GRIA2: variants seen among roughly 807,000 people sequenced by gnomAD.
The protein encoded by GRIA2 is glutamate receptor 2.
Under a neutral mutation model 97.3 loss-of-function variants are expected in GRIA2, and 14 were observed. The observed-to-expected ratio is 0.14, with a 90% confidence interval of 0.10 to 0.23. The LOEUF (loss-of-function observed/expected upper bound fraction) is 0.23, where lower values mean the gene tolerates loss of function less well. GRIA2 is among the 10% of genes least tolerant of loss of function. GRIA2 has a pLI of 1.00. For missense variants in GRIA2, 558 were observed against 1,069.8 expected (o/e 0.52, Z 6.67); for synonymous variants, 412 against 387.8 (o/e 1.06, Z -0.73).
intron 2 of GRIA2, among the ~76,000 whole-genome samples, chr4:157,260,683 C>A (rs1281476253): frequency 6.6e-6 from 1 of 151,994 alleles, no homozygotes; most frequent in East Asian, 1.9e-4. Flanking sequence ...TGCCCAGTTT[C>A]AATTGCTATC....
intron 12 of GRIA2, among the ~76,000 whole-genome samples, chr4:157,359,312 A>C (rs1736532664): frequency 6.6e-6 from 1 of 152,196 alleles, no homozygotes; most frequent in Non-Finnish European, 1.5e-5. Flanking sequence ...CAAAGAAAAA[A>C]GTCCTGTTTA....
At chr4:157,248,634 T>C (rs1446622005) in intron 2 of GRIA2, among the ~76,000 whole-genome samples, 1 of 143,500 alleles carries the variant, frequency 7.0e-6, no homozygotes, top group African/African-American at 2.6e-5. Flanking sequence ...CGTATATATA[T>C]ACACCTGTAT....
At chr4:157,348,034 T>A (rs1328211421) in intron 12 of GRIA2, among the ~76,000 whole-genome samples, 1 of 151,814 alleles carries the variant, frequency 6.6e-6, no homozygotes, top group Non-Finnish European at 1.5e-5. Context: ...GACAATAGCT[T>A]GAACCTGGGA....
At chr4:157,246,813 C>T (rs547637534) in intron 2 of GRIA2, among the ~76,000 whole-genome samples, 1 of 151,938 alleles carries the variant, frequency 6.6e-6, no homozygotes, top group East Asian at 1.9e-4. Flanking sequence ...TTTTGGTTTT[C>T]GATCTTCACA....
chr4:157,273,937 A>G (rs140880061), intron 2 of GRIA2, among the ~76,000 whole-genome samples: 74 of 152,232 alleles, frequency 4.9e-4, no homozygotes, highest in African/African-American at 1.7e-3. Context: ...ACTGCAGATA[A>G]TCAGAGATAA....
At chr4:157,314,932 C>T (rs1025168200) in intron 4 of GRIA2, among the ~76,000 whole-genome samples, 2 of 152,074 alleles carry the variant, frequency 1.3e-5, no homozygotes, top group African/African-American at 4.8e-5. Context: ...GAACTCATTG[C>T]TTAGAGATAA....
At chr4:157,286,456 A>T (rs1033915924) in intron 2 of GRIA2, among the ~76,000 whole-genome samples, 4 of 151,466 alleles carry the variant, frequency 2.6e-5, no homozygotes, top group Non-Finnish European at 5.9e-5. Context: ...TGGAGAGTTA[A>T]AAAAGTTAAA....
intron 2 of GRIA2, among the ~76,000 whole-genome samples, chr4:157,295,869 CACTT>C (rs1343963461): frequency 4.6e-5 from 7 of 152,130 alleles, no homozygotes. Context: ...GAATAAATGT[CACTT>C]ACGACAAACT....
At position 157,365,143 on chromosome 4, in the gene GRIA2, T is replaced by G. The variant is rs953285791; in HGVS notation, c.*1712T>G. On this transcript the variant is annotated 3_prime_UTR_variant, in exon 16 of 16. Coordinates refer to ENST00000264426, the MANE Select transcript of GRIA2 (RefSeq NM_001083619.3). ...TTAAAACATTCTTACTTACCGTATT[T>G]CATAGAAGGGAAGGAAAAATGTAAG... is the stretch of plus-strand genomic sequence containing the variant. The G allele has an allele frequency of 2.6e-5, 4 of 151,732 alleles. No homozygotes were observed. Among genetic ancestry groups the G allele is most frequent in the Non-Finnish European group, 4.4e-5 (3 of 67,740 alleles). 9.4% of individuals were successfully genotyped at this position (151,732 alleles called of 1,614,324 possible). A position where few individuals can be genotyped will look rare whatever the true frequency, so the allele number is the denominator to read the frequency against.
At chr4:157,351,950 GT>G (rs1224920890) in intron 12 of GRIA2, among the ~76,000 whole-genome samples, 1 of 152,148 alleles carries the variant, frequency 6.6e-6, no homozygotes, top group Non-Finnish European at 1.5e-5. Context: ...CCAGTTCTTT[GT>G]AACAGTATGA....
chr4:157,221,617 C>T (rs755705423), intron 1 of GRIA2, 50 bp from the exon 2 acceptor site: 5 of 1,588,670 alleles, frequency 3.1e-6, no homozygotes, highest in Non-Finnish European at 4.3e-6. Flanking sequence ...CCCTCCTTTC[C>T]CTCCCGGGGC....
intron 11 of GRIA2, among the ~76,000 whole-genome samples, chr4:157,339,119 T>G (rs1022396377): frequency 6.6e-6 from 1 of 151,996 alleles, no homozygotes; most frequent in African/African-American, 2.4e-5. Context: ...TAAGACATGG[T>G]CTCATGAAGA....
chr4:157,317,667 A>G lies in GRIA2; in HGVS notation c.676A>G (p.Ile226Val). The G allele has an allele frequency of 8.6e-7, 1 of 1,166,658 alleles. No homozygotes were observed. The highest frequency in any genetic ancestry group is 1.3e-6 in the Non-Finnish European group (1 of 781,676). 72.3% of individuals were successfully genotyped at this position (1,166,658 alleles called of 1,614,324 possible). ...VNDIVDQVITIGKHVKGYHYI... is the reference protein window; with the variant it reads ...VNDIVDQVITVGKHVKGYHYI... ...TATTTGTGCTTATTAGGTTATTACC[A>G]TTGGAAAACATGTTAAAGGGTACCA... The change falls in exon 5 of 16, where the codon ATT becomes GTT. Residue 226 changes from isoleucine to valine, a missense_variant. Ile to Val is a conservative substitution (Grantham distance 29, BLOSUM62 3). This residue lies in a region of GRIA2 where 173 missense variants were observed against 209.1 expected (regional missense o/e 0.83). Coordinates refer to ENST00000264426, the MANE Select transcript of GRIA2 (RefSeq NM_001083619.3).
intron 2 of GRIA2, among the ~76,000 whole-genome samples, chr4:157,273,245 T>C (rs1732116511): frequency 6.6e-6 from 1 of 152,048 alleles, no homozygotes; most frequent in Non-Finnish European, 1.5e-5. Flanking sequence ...TATTTTGGTA[T>C]CTCCTTGGGG....
intron 12 of GRIA2, 94 bp from the exon 13 acceptor site, chr4:157,359,802 C>T: frequency 1.9e-6 from 2 of 1,070,466 alleles, no homozygotes; most frequent in Non-Finnish European, 2.8e-6. Context: ...TGTATATCAT[C>T]TATGTTTTGA....
At chr4:157,247,285 A>G (rs1476266569) in intron 2 of GRIA2, among the ~76,000 whole-genome samples, 1 of 152,190 alleles carries the variant, frequency 6.6e-6, no homozygotes, top group Non-Finnish European at 1.5e-5. Flanking sequence ...AACAGATTTG[A>G]AGATGGATTG....
In GRIA2 at chr4:157,364,168, A is replaced by G. The variant is rs1042588827; in HGVS notation, c.*737A>G. ...GAAAGTAAACAAAGAGGAGATTCCA[A>G]TCTTGTAATTTAATATTGTTATTAA... On this transcript the variant is annotated 3_prime_UTR_variant, in exon 16 of 16. Transcript: ENST00000264426. 3.3e-5 allele frequency: 5 copies of G among 152,486 alleles called. No homozygotes were observed. The highest frequency in any genetic ancestry group is 6.6e-5 in the Admixed American group (1 of 15,216). The allele number at this position is 152,486 out of a possible 1,614,324, so 9.4% of individuals were successfully genotyped here. A position where few individuals can be genotyped will look rare whatever the true frequency, so the allele number is the denominator to read the frequency against.
intron 12 of GRIA2, among the ~76,000 whole-genome samples, chr4:157,356,361 T>C (rs1736378539): frequency 6.6e-6 from 1 of 151,400 alleles, no homozygotes; most frequent in Non-Finnish European, 1.5e-5. Context: ...CCCTGTGTTT[T>C]CCTTTTGCAT....
chr4:157,328,348 G>A (rs1387444047), intron 6 of GRIA2, among the ~76,000 whole-genome samples: 2 of 151,998 alleles, frequency 1.3e-5, no homozygotes, highest in African/African-American at 4.8e-5. Flanking sequence ...TCAAATTTTT[G>A]CCAAATCTCT....
Sources: allele counts gnomAD v4.1 joint callset (sites outside exome capture counted in the v4.1 genomes callset), GRCh38; gene constraint gnomAD v4.1.1; regional missense constraint gnomAD v4.1.1; transcripts MANE v1.5; gene names NCBI Gene and HGNC (gene_info 2026-07-23, HGNC 2026-07-21).